Variants in NR3C2 observed in about 807,000 individuals in gnomAD.
NR3C2 encodes nuclear receptor subfamily 3 group C member 2.
NR3C2 carries 15 observed loss-of-function variants against 86.4 expected under a neutral mutation model. The observed-to-expected ratio is 0.17, with a 90% CI of 0.12 to 0.27. The LOEUF is 0.27. Ranked by LOEUF, NR3C2 falls within the 10% of genes least tolerant of loss-of-function variation. NR3C2 has a pLI of 1.00. For synonymous variants in NR3C2, 458 were observed against 450.5 expected, an observed-to-expected ratio of 1.02 and a Z score of -0.21; for missense variants, 960 against 1,195.6, an observed-to-expected ratio of 0.80 and a Z score of 2.91.
chr4:148,339,282 G>T (rs1423250051), intron 2 of NR3C2, among the ~76,000 whole-genome samples: 1 of 152,146 alleles, frequency 6.6e-6, no homozygotes, highest in African/African-American at 2.4e-5. Flanking sequence ...CTTAAGTAAG[G>T]CTCAGTATGC....
intron 4 of NR3C2, among the ~76,000 whole-genome samples, chr4:148,163,683 T>C (rs186943423): frequency 6.6e-6 from 1 of 152,014 alleles, no homozygotes; most frequent in Non-Finnish European, 1.5e-5. Flanking sequence ...TTTGGTTTCT[T>C]GTAATCTTGA....
intron 2 of NR3C2, among the ~76,000 whole-genome samples, chr4:148,428,466 T>A: frequency 6.6e-6 from 1 of 152,148 alleles, no homozygotes; most frequent in East Asian, 1.9e-4. Flanking sequence ...CAATACATAA[T>A]TCTGAACTGG....
chr4:148,090,251 G>A (rs996708966), intron 8 of NR3C2, among the ~76,000 whole-genome samples: 3 of 152,210 alleles, frequency 2.0e-5, no homozygotes, highest in African/African-American at 7.2e-5. Flanking sequence ...GGCAGGTGCT[G>A]CTAGTGTGAC....
chr4:148,310,663 A>G (rs1190449499), intron 2 of NR3C2, among the ~76,000 whole-genome samples: 1 of 152,142 alleles, frequency 6.6e-6, no homozygotes, highest in African/African-American at 2.4e-5. Context: ...AGCTCCCCAC[A>G]TTCTCATGCC....
chr4:148,248,090 T>G (rs1455616203), intron 3 of NR3C2, among the ~76,000 whole-genome samples: 3 of 152,182 alleles, frequency 2.0e-5, no homozygotes, highest in Non-Finnish European at 4.4e-5. Flanking sequence ...TTAAATCATG[T>G]GATATTTAAT....
At chr4:148,115,797 A>T (rs1016590752) in intron 7 of NR3C2, among the ~76,000 whole-genome samples, 20 of 152,374 alleles carry the variant, frequency 1.3e-4, no homozygotes, top group Admixed American at 3.3e-4. Context: ...GCAACTGCAC[A>T]AATTCCTGAG....
rs1190865701 is a variant in NR3C2, at chr4:148,079,975, T to C, written c.*1369A>G. ...GAGAGAGAGTGCATGGAATTTTTTT[T>C]TCCCACAGGAGAAAATCTGATTTTC... On this transcript the variant is annotated 3_prime_UTR_variant, in exon 9 of 9. Transcript: ENST00000358102. The C allele has an allele frequency of 1.3e-5, 2 of 152,196 alleles. No individual in the cohort carries two copies. The highest frequency in any genetic ancestry group is 3.9e-4 in the East Asian group (2 of 5,194). The allele number at this position is 152,196 out of a possible 1,614,324, so 9.4% of individuals were successfully genotyped here. A position where few individuals can be genotyped will look rare whatever the true frequency, so the allele number is the denominator to read the frequency against.
intron 2 of NR3C2, among the ~76,000 whole-genome samples, chr4:148,335,345 T>C (rs753395226): frequency 7.2e-5 from 11 of 152,224 alleles, no homozygotes; most frequent in Non-Finnish European, 1.3e-4. Context: ...AAGTAGATGA[T>C]TGCGAAAGAA....
chr4:148,385,074 C>T (rs1001585071), intron 2 of NR3C2, among the ~76,000 whole-genome samples: 6 of 152,200 alleles, frequency 3.9e-5, no homozygotes, highest in African/African-American at 1.4e-4. Flanking sequence ...CTTAAAAATG[C>T]ATATGACATG....
intron 2 of NR3C2, among the ~76,000 whole-genome samples, chr4:148,333,318 T>TC (rs898768319): frequency 7.9e-5 from 12 of 152,116 alleles, no homozygotes; most frequent in African/African-American, 2.9e-4. Context: ...AGAAAAGTTC[T>TC]CATTTTTGTA....
chr4:148,439,556 C>A (rs1333489432), intron 1 of NR3C2, among the ~76,000 whole-genome samples: 1 of 152,004 alleles, frequency 6.6e-6, no homozygotes, highest in Non-Finnish European at 1.5e-5. Context: ...GGCTCTCTGT[C>A]CCGTGTCTGA....
In NR3C2 at chr4:148,436,587, G is replaced by C; in HGVS notation, c.274C>G (p.Leu92Val). 6.2e-7 allele frequency: 1 copy of C among 1,614,158 alleles called. No individual in the cohort carries two copies. The highest frequency in any genetic ancestry group is 8.5e-7 in the Non-Finnish European group (1 of 1,180,040). The change falls in exon 2 of 9, where the codon CTG becomes GTG. Residue 92 changes from leucine to valine, a missense_variant. Physicochemically the swap from Leu to Val is conservative, Grantham distance 32. Transcript: ENST00000358102. ...GTTGCTGAAAGTTCCTTAGATTCCA[G>C]CTCAGTTTTAATATCAGATGTTAAA... ...GILTSDIKTE[L>V]ESKELSATVA...
At chr4:148,234,607 C>T (rs1738644300) in intron 3 of NR3C2, among the ~76,000 whole-genome samples, 1 of 151,194 alleles carries the variant, frequency 6.6e-6, no homozygotes, top group African/African-American at 2.4e-5. Flanking sequence ...TGCTTGAACC[C>T]AGGAAGCAGA....
At chr4:148,344,050 G>A (rs944287787) in intron 2 of NR3C2, among the ~76,000 whole-genome samples, 2 of 152,116 alleles carry the variant, frequency 1.3e-5, no homozygotes, top group African/African-American at 4.8e-5. Context: ...TCTAGAGGAA[G>A]GGGGATAGAC....
At position 148,212,823 on chromosome 4, in the gene NR3C2, T is replaced by C. The variant is rs80330818; in HGVS notation, c.1898-17961A>G. ...GTAGTTTTATTGTGTGGTTTTAGCC[T>C]CTGCCTCTTTATAAGGACCTACTAT... On this transcript the variant is annotated intron_variant, in intron 3 of 8. Coordinates refer to ENST00000358102, the MANE Select transcript of NR3C2 (RefSeq NM_000901.5). Among the ~76,000 whole-genome samples the C allele has an allele frequency of 5.5e-3, 842 of 152,348 alleles. 7 individuals carry two copies. The highest frequency in any genetic ancestry group is 0.019 in the African/African-American group (783 of 41,574).
intron 2 of NR3C2, among the ~76,000 whole-genome samples, chr4:148,287,885 C>T (rs1383035334): frequency 6.6e-6 from 1 of 152,126 alleles, no homozygotes; most frequent in Non-Finnish European, 1.5e-5. Flanking sequence ...CAACTACATG[C>T]TAAAGTAGAT....
intron 4 of NR3C2, among the ~76,000 whole-genome samples, chr4:148,156,993 A>G (rs1022941782): frequency 2.6e-5 from 4 of 152,018 alleles, no homozygotes; most frequent in African/African-American, 7.2e-5. Flanking sequence ...GGATGAGTTC[A>G]TGTCCTTTAC....
rs542040334 is a variant in NR3C2 at position 148,108,568 on chromosome 4, G to A, written c.2799+5536C>T. Among the ~76,000 whole-genome samples, 8 of 152,248 alleles carry A rather than the reference G, an allele frequency of 5.3e-5. No individual in the cohort carries two copies. The East Asian group carries it at 1.4e-3, about 26-fold the overall frequency. On this transcript the variant is annotated intron_variant, in intron 8 of 8. Coordinates refer to ENST00000358102, the MANE Select transcript of NR3C2 (RefSeq NM_000901.5). ...CAGAGCCTGGCTAGAGAAGAGCCAC[G>A]TCAGCTTCTAGCATGGCCCCTGGAG...
At position 148,225,980 on chromosome 4, in the gene NR3C2, T is replaced by C. The variant is rs144674824; in HGVS notation, c.1898-31118A>G. Among the ~76,000 whole-genome samples, 736 of 152,280 alleles carry C rather than the reference T, an allele frequency of 4.8e-3. 12 individuals are homozygous for C. The highest frequency in any genetic ancestry group is 0.017 in the African/African-American group (695 of 41,564). The stretch of plus-strand genomic sequence containing the variant: ...ATTTTCAGATATCTGTAATGCATAA[T>C]ATATTAATAACATTTAAATAAAATA... On this transcript the variant is annotated intron_variant, in intron 3 of 8. Coordinates refer to ENST00000358102, the MANE Select transcript of NR3C2 (RefSeq NM_000901.5).
Sources: allele counts gnomAD v4.1 joint callset (sites outside exome capture counted in the v4.1 genomes callset), GRCh38; gene constraint gnomAD v4.1.1; transcripts MANE v1.5; gene names NCBI Gene and HGNC (gene_info 2026-07-23, HGNC 2026-07-21).